The following DPYD variants were observed in gnomAD, a reference collection of about 807,000 sequenced individuals.
DPYD encodes the protein dihydropyrimidine dehydrogenase, also known as dihydropyrimidine dehydrogenase [NADP(+)].
A neutral mutation model predicts 116.2 loss-of-function variants in DPYD; 109 were observed. The ratio of observed to expected loss-of-function variants is 0.94; its 90% CI spans 0.80 to 1.10. DPYD has a LOEUF of 1.10. DPYD is among the 50% of genes least tolerant of loss of function. The pLI is 0.00. For missense variants in DPYD, 1,302 were observed against 1,254.5 expected (o/e 1.04, Z -0.57); for synonymous variants, 440 against 432.0 (o/e 1.02, Z -0.23).
At chr1:97,876,919 T>C (rs1671949907) in intron 2 of DPYD, among the ~76,000 whole-genome samples, 1 of 151,936 alleles carries the variant, frequency 6.6e-6, no homozygotes, top group African/African-American at 2.4e-5. Flanking sequence ...TATAAATATT[T>C]AATGGACAGA....
In DPYD at chr1:97,895,965, T is replaced by A. The variant is rs114909241; in HGVS notation, c.40-12591A>T. Among the ~76,000 whole-genome samples the A allele has an allele frequency of 3.6e-3, 546 of 151,792 alleles. 6 individuals are homozygous for A. Among genetic ancestry groups the A allele is most frequent in the African/African-American group, 0.013 (528 of 41,496 alleles). Reference sequence around the variant, plus strand: ...AGAACAAATATCTCACTTAAAATAATTTAAGTTTATACCTAAAGCAAGATA... The same window carrying A: ...AGAACAAATATCTCACTTAAAATAAATTAAGTTTATACCTAAAGCAAGATA... On this transcript the variant is annotated intron_variant, in intron 1 of 22. Transcript: ENST00000370192.
chr1:97,539,020 A>G (rs181945022), intron 12 of DPYD, among the ~76,000 whole-genome samples: 98 of 152,328 alleles, frequency 6.4e-4, no homozygotes, highest in African/African-American at 2.1e-3. Flanking sequence ...AGAAAACAGA[A>G]GAATAGTATT....
intron 13 of DPYD, among the ~76,000 whole-genome samples, chr1:97,508,567 C>T (rs1265125003): frequency 2.6e-5 from 4 of 152,086 alleles, no homozygotes; most frequent in African/African-American, 4.8e-5. Flanking sequence ...CCACTCTATA[C>T]GAAGCAGTGG....
At chr1:97,127,573 G>A (rs1184973810) in intron 20 of DPYD, among the ~76,000 whole-genome samples, 2 of 151,946 alleles carry the variant, frequency 1.3e-5, no homozygotes, top group African/African-American at 2.4e-5. Context: ...CAACTTGAAG[G>A]TTGCTAGAAA....
At chr1:97,585,334 A>T (rs1011930232) in intron 10 of DPYD, among the ~76,000 whole-genome samples, 2 of 152,224 alleles carry the variant, frequency 1.3e-5, no homozygotes, top group Non-Finnish European at 2.9e-5. Flanking sequence ...GGAACTAAGG[A>T]AGCCTTCAAG....
At chr1:97,134,951 G>C (rs12048767) in intron 20 of DPYD, among the ~76,000 whole-genome samples, 1 of 150,172 alleles carries the variant, frequency 6.7e-6, no homozygotes, top group Non-Finnish European at 1.5e-5. Context: ...ACAGTACCTA[G>C]TGGGTTACTC....
chr1:97,316,841 G>T (rs1667884443), intron 16 of DPYD, among the ~76,000 whole-genome samples: 1 of 151,800 alleles, frequency 6.6e-6, no homozygotes, highest in African/African-American at 2.4e-5. Context: ...TGACTTGTCT[G>T]TCACTTAGGG....
intron 19 of DPYD, among the ~76,000 whole-genome samples, chr1:97,232,417 C>G (rs181369201): frequency 6.6e-6 from 1 of 152,202 alleles, no homozygotes; most frequent in African/African-American, 2.4e-5. Context: ...TCTACCTTGA[C>G]CTCTTGAATC....
chr1:97,718,739 T>C (rs1662758234), intron 5 of DPYD, among the ~76,000 whole-genome samples: 1 of 151,846 alleles, frequency 6.6e-6, no homozygotes, highest in South Asian at 2.1e-4. Context: ...AAAGATGCAT[T>C]CTCATTTCCT....
chr1:97,464,238 C>T (rs1242530016), intron 13 of DPYD, among the ~76,000 whole-genome samples: 1 of 138,600 alleles, frequency 7.2e-6, no homozygotes, highest in Non-Finnish European at 1.5e-5. Flanking sequence ...GACTCTGTCT[C>T]AAAATAAAAT....
chr1:97,785,320 A>G (rs959563274), intron 3 of DPYD, among the ~76,000 whole-genome samples: 2 of 152,222 alleles, frequency 1.3e-5, no homozygotes, highest in African/African-American at 4.8e-5. Context: ...TCCCTGAGAT[A>G]CAACATGCAC....
chr1:97,228,216 A>G lies in DPYD; in HGVS notation c.2442+6636T>C, dbSNP rs574645636. Among the ~76,000 whole-genome samples the G allele has an allele frequency of 1.2e-4, 19 of 152,042 alleles. No homozygotes were observed. In the South Asian group the frequency reaches 3.1e-3, roughly 25 times the overall value. On this transcript the variant is annotated intron_variant, in intron 19 of 22. Coordinates refer to ENST00000370192, the MANE Select transcript of DPYD (RefSeq NM_000110.4). Reference sequence around the variant, plus strand: ...GCTAAGAATATATAGTAGGGTCTCAATACATATTTATTAAAAAATGAATGA... The same window carrying G: ...GCTAAGAATATATAGTAGGGTCTCAGTACATATTTATTAAAAAATGAATGA...
chr1:97,391,367 T>C (rs534683509), intron 14 of DPYD, among the ~76,000 whole-genome samples: 1 of 152,162 alleles, frequency 6.6e-6, no homozygotes, highest in Admixed American at 6.6e-5. Context: ...TATATGCTTT[T>C]GTTTCACTCT....
At chr1:97,459,137 A>G (rs1159261937) in intron 13 of DPYD, among the ~76,000 whole-genome samples, 3 of 152,284 alleles carry the variant, frequency 2.0e-5, no homozygotes, top group African/African-American at 7.2e-5. Context: ...TCATGAAGAT[A>G]TAACATATGA....
At chr1:97,199,555 T>G (rs1005050537) in intron 19 of DPYD, among the ~76,000 whole-genome samples, 6 of 152,160 alleles carry the variant, frequency 3.9e-5, no homozygotes, top group Admixed American at 3.3e-4. Flanking sequence ...ATATAATTTT[T>G]TTAATGTAAT....
chr1:97,293,547 G>A (rs555557462), intron 18 of DPYD, among the ~76,000 whole-genome samples: 1 of 152,294 alleles, frequency 6.6e-6, no homozygotes, highest in Admixed American at 6.5e-5. Context: ...CCCAGCATCT[G>A]ACATCTAACA....
At chr1:97,738,544 C>T (rs569639260) in intron 4 of DPYD, among the ~76,000 whole-genome samples, 65 of 152,250 alleles carry the variant, frequency 4.3e-4, no homozygotes, top group African/African-American at 1.5e-3. Flanking sequence ...AACACCCCTC[C>T]TGCGTTGAGG....
chr1:97,654,912 G>A (rs1378806141), intron 8 of DPYD, among the ~76,000 whole-genome samples: 1 of 152,064 alleles, frequency 6.6e-6, no homozygotes, highest in African/African-American at 2.4e-5. Context: ...CATGGTGGTG[G>A]CAAGAGAGAA....
At position 97,323,498 on chromosome 1, in the gene DPYD, T is replaced by TATGTGTATATATACACGTATATATA. The variant is rs1454726069; in HGVS notation, c.2059-17202_2059-17201insTATATATACGTGTATATATACACAT. Among the ~76,000 whole-genome samples, 2 of 50,480 alleles carry TATGTGTATATATACACGTATATATA rather than the reference T, an allele frequency of 4.0e-5. 1 individual carries two copies. The highest frequency in any genetic ancestry group is 8.3e-5 in the African/African-American group (2 of 24,042). The allele number at this position is 50,480 out of a possible 152,430, so 33.1% of individuals were successfully genotyped here. A position where few individuals can be genotyped will look rare whatever the true frequency, so the allele number is the denominator to read the frequency against. ...GTATATATACACGTATATATACATA[T>TATGTGTATATATACACGTATATATA]CATATGTACATATGTGTATATATAC... On this transcript the variant is annotated intron_variant, in intron 16 of 22. Transcript: ENST00000370192.
Sources: allele counts gnomAD v4.1 joint callset (sites outside exome capture counted in the v4.1 genomes callset), GRCh38; gene constraint gnomAD v4.1.1; transcripts MANE v1.5; gene names NCBI Gene and HGNC (gene_info 2026-07-23, HGNC 2026-07-21).